The following KIAA0825 variants were observed in gnomAD, a reference collection of about 807,000 sequenced individuals.
KIAA0825 encodes the protein KIAA0825, also known as uncharacterized protein KIAA0825.
Under a neutral mutation model 147.6 loss-of-function variants are expected in KIAA0825, and 119 were observed. The observed-to-expected ratio is 0.81, with a 90% CI of 0.69 to 0.94. KIAA0825 has a LOEUF of 0.94. KIAA0825 is among the 40% of genes least tolerant of loss of function. The pLI, the probability that KIAA0825 is intolerant of heterozygous loss-of-function variation, is 0.00. For missense variants in KIAA0825, 1,381 were observed against 1,472.7 expected, an observed-to-expected ratio of 0.94 and a Z score of 1.02; for synonymous variants, 470 against 518.1, an observed-to-expected ratio of 0.91 and a Z score of 1.26.
chr5:94,379,590 T>G (rs1236606326), intron 20 of KIAA0825, among the ~76,000 whole-genome samples: 1 of 152,190 alleles, frequency 6.6e-6, no homozygotes, highest in Non-Finnish European at 1.5e-5. Context: ...AGGCTCTTTT[T>G]TTGTTCCATA....
intron 11 of KIAA0825, among the ~76,000 whole-genome samples, chr5:94,463,040 G>A (rs1390537446): frequency 6.6e-6 from 1 of 151,896 alleles, no homozygotes; most frequent in Non-Finnish European, 1.5e-5. Context: ...CTCCCAGCAA[G>A]TGGGAGATAA....
At chr5:94,420,809 G>A (rs968174019) in intron 14 of KIAA0825, among the ~76,000 whole-genome samples, 2 of 152,062 alleles carry the variant, frequency 1.3e-5, no homozygotes, top group African/African-American at 4.8e-5. Context: ...AAGGAAGGAA[G>A]AAAAGAAGGA....
At chr5:94,578,868 T>C (rs1424324936) in intron 2 of KIAA0825, among the ~76,000 whole-genome samples, 1 of 152,012 alleles carries the variant, frequency 6.6e-6, no homozygotes, top group Non-Finnish European at 1.5e-5. Flanking sequence ...GGCCTGAAGA[T>C]TATATTTTGA....
intron 13 of KIAA0825, among the ~76,000 whole-genome samples, chr5:94,440,627 G>C (rs1168295807): frequency 6.6e-6 from 1 of 152,070 alleles, no homozygotes. Flanking sequence ...AATATGTAAA[G>C]CCTTACATCA....
chr5:94,545,839 T>C (rs1285009111), intron 2 of KIAA0825, among the ~76,000 whole-genome samples: 1 of 152,094 alleles, frequency 6.6e-6, no homozygotes, highest in Non-Finnish European at 1.5e-5. Flanking sequence ...GGGGGAAAAG[T>C]AAAAGGGACT....
intron 1 of KIAA0825, among the ~76,000 whole-genome samples, chr5:94,610,510 T>C (rs1327930884): frequency 6.7e-6 from 1 of 148,486 alleles, no homozygotes; most frequent in African/African-American, 2.5e-5. Context: ...ACACCTGTAA[T>C]CCTAGCACTT....
At chr5:94,511,751 G>C (rs978664505) in intron 5 of KIAA0825, among the ~76,000 whole-genome samples, 3 of 152,184 alleles carry the variant, frequency 2.0e-5, no homozygotes, top group Admixed American at 6.5e-5. Flanking sequence ...ACTTTGGGAG[G>C]CCAAGGCAAG....
chr5:94,519,454 A>G (rs1767759817), intron 5 of KIAA0825: 1 of 902,020 alleles, frequency 1.1e-6, no homozygotes, highest in African/African-American at 1.8e-5. Context: ...CACTGGTAGG[A>G]AAGTACAACC....
chr5:94,250,587 T>A (rs1439107820), intron 20 of KIAA0825, among the ~76,000 whole-genome samples: 1 of 152,104 alleles, frequency 6.6e-6, no homozygotes, highest in Non-Finnish European at 1.5e-5. Context: ...CGGAAGCTCA[T>A]GTTAGATTAC....
chr5:94,482,694 C>T (rs868011655), intron 6 of KIAA0825, among the ~76,000 whole-genome samples: 1 of 152,022 alleles, frequency 6.6e-6, no homozygotes, highest in African/African-American at 2.4e-5. Context: ...CCCTCAAGAT[C>T]ATTCTTCTCA....
At position 94,601,296 on chromosome 5, in the gene KIAA0825, A is replaced by G. The variant is rs577635516; in HGVS notation, c.-153+17204T>C. On this transcript the variant is annotated intron_variant, in intron 1 of 20. Coordinates refer to ENST00000682413, the MANE Select transcript of KIAA0825 (RefSeq NM_001145678.3). ...ACTGGAAGATCTGAGGCAACTAGGGACTGGAGCAGATGCCCAGCAAACTGC... is the reference window on the plus strand; with the variant it reads ...ACTGGAAGATCTGAGGCAACTAGGGGCTGGAGCAGATGCCCAGCAAACTGC... Among the ~76,000 whole-genome samples the G allele has an allele frequency of 1.6e-4, 25 of 152,262 alleles. No individual in the cohort carries two copies. The East Asian group carries it at 4.2e-3, about 26-fold the overall frequency.
At chr5:94,343,076 G>A (rs926259790) in intron 20 of KIAA0825, among the ~76,000 whole-genome samples, 1 of 152,084 alleles carries the variant, frequency 6.6e-6, no homozygotes, top group African/African-American at 2.4e-5. Flanking sequence ...CAAGAGAACA[G>A]TAAGAAAAAT....
intron 2 of KIAA0825, among the ~76,000 whole-genome samples, chr5:94,562,575 G>A (rs1317204870): frequency 1.3e-5 from 2 of 152,206 alleles, no homozygotes; most frequent in East Asian, 3.8e-4. Context: ...TCAAGGAGCA[G>A]ACAGAATCTC....
chr5:94,266,283 TAACA>T (rs1371093117), intron 20 of KIAA0825, among the ~76,000 whole-genome samples: 2 of 152,200 alleles, frequency 1.3e-5, no homozygotes, highest in Non-Finnish European at 2.9e-5. Flanking sequence ...GTGGTGAGAT[TAACA>T]GTTACAATTT....
chr5:94,303,273 C>A (rs1315446446), intron 20 of KIAA0825, among the ~76,000 whole-genome samples: 1 of 151,772 alleles, frequency 6.6e-6, no homozygotes, highest in African/African-American at 2.4e-5. Context: ...AATATTTAAT[C>A]CCAAATTTAA....
intron 7 of KIAA0825, among the ~76,000 whole-genome samples, chr5:94,476,680 A>G (rs1259987374): frequency 6.6e-6 from 1 of 152,198 alleles, no homozygotes; most frequent in Non-Finnish European, 1.5e-5. Flanking sequence ...GGAAAGTGTA[A>G]TTCTCTACAA....
intron 2 of KIAA0825, among the ~76,000 whole-genome samples, chr5:94,554,433 G>A (rs779664768): frequency 9.9e-5 from 15 of 151,888 alleles, no homozygotes; most frequent in African/African-American, 1.2e-4. Flanking sequence ...AAACCGACCC[G>A]GTCACCATTC....
intron 20 of KIAA0825, among the ~76,000 whole-genome samples, chr5:94,262,569 C>T (rs1355465445): frequency 6.6e-6 from 1 of 151,832 alleles, no homozygotes; most frequent in Admixed American, 6.6e-5. Flanking sequence ...TTATGGGAAC[C>T]CATATCATTC....
chr5:94,346,875 G>GC (rs1783060811), intron 20 of KIAA0825, among the ~76,000 whole-genome samples: 1 of 152,170 alleles, frequency 6.6e-6, no homozygotes, highest in Non-Finnish European at 1.5e-5. Context: ...GACGAACCAA[G>GC]CCCTTTTTTT....
Sources: gnomAD v4.1 joint callset for allele counts (sites outside exome capture counted in the v4.1 genomes callset) on GRCh38, gnomAD v4.1.1 for gene constraint, MANE v1.5 for transcripts, NCBI Gene and HGNC (gene_info 2026-07-23, HGNC 2026-07-21) for gene names.